The following ROCK2 variants were observed in gnomAD, a reference collection of about 807,000 sequenced individuals.
ROCK2 encodes Rho associated coiled-coil containing protein kinase 2.
In ROCK2, 61 loss-of-function variants were observed where a neutral mutation model predicts 195.1. That is an observed-to-expected ratio of 0.31 (90% CI 0.25 to 0.39). The LOEUF (loss-of-function observed/expected upper bound fraction) is 0.39. Among genes scored for constraint, ROCK2 ranks in the 10% least tolerant of loss-of-function variants. The pLI is 1.00. For missense variants in ROCK2, 1,109 were observed against 1,637.4 expected, an observed-to-expected ratio of 0.68 and a Z score of 5.57; for synonymous variants, 504 against 545.5, an observed-to-expected ratio of 0.92 and a Z score of 1.06.
At chr2:11,211,523 T>C (rs1355037475) in intron 18 of ROCK2, among the ~76,000 whole-genome samples, 158 bp downstream of exon 18, 2 of 152,194 alleles carry the variant, frequency 1.3e-5, no homozygotes, top group Admixed American at 6.5e-5. Context: ...GGAAAAATAA[T>C]AGAATATCTA....
intron 4 of ROCK2, among the ~76,000 whole-genome samples, chr2:11,248,735 A>AAAAAAAG (rs1665718986): frequency 7.2e-6 from 1 of 139,584 alleles, no homozygotes. Flanking sequence ...AAAAAAAAAA[A>AAAAAAAG]AAAGAAAGAA....
chr2:11,270,601 T>C (rs919181516), intron 3 of ROCK2, among the ~76,000 whole-genome samples: 4 of 152,194 alleles, frequency 2.6e-5, no homozygotes, highest in African/African-American at 7.2e-5. Flanking sequence ...TCCTGAAACT[T>C]AGAGATATTT....
intron 1 of ROCK2, among the ~76,000 whole-genome samples, chr2:11,303,576 C>T (rs1012015597): frequency 2.6e-5 from 4 of 152,132 alleles, no homozygotes; most frequent in African/African-American, 9.7e-5. Flanking sequence ...TGATTACTGC[C>T]ATTGGCATGG....
chr2:11,316,152 G>T (rs1450929887), intron 1 of ROCK2, among the ~76,000 whole-genome samples: 1 of 151,972 alleles, frequency 6.6e-6, no homozygotes. Flanking sequence ...GTTGGAAAAT[G>T]GGTAACTATT....
intron 5 of ROCK2, among the ~76,000 whole-genome samples, chr2:11,233,526 C>T (rs1172734530): frequency 1.3e-5 from 2 of 152,132 alleles, no homozygotes; most frequent in Non-Finnish European, 2.9e-5. Context: ...TAAGCATATA[C>T]ATGGGACATA....
intron 3 of ROCK2, among the ~76,000 whole-genome samples, chr2:11,285,365 T>C (rs1373700754): frequency 6.6e-6 from 1 of 151,918 alleles, no homozygotes; most frequent in Non-Finnish European, 1.5e-5. Context: ...CCAGCCTCCT[T>C]GGAATAAAAC....
intron 3 of ROCK2, among the ~76,000 whole-genome samples, chr2:11,282,841 A>G (rs1017459082): frequency 4.6e-5 from 7 of 152,190 alleles, no homozygotes. Flanking sequence ...AATATTTGAA[A>G]AACACCCACC....
At chr2:11,230,180 T>C (rs1026925854) in intron 5 of ROCK2, among the ~76,000 whole-genome samples, 41 of 152,284 alleles carry the variant, frequency 2.7e-4, no homozygotes, top group South Asian at 2.1e-4. Context: ...CACCCAATTA[T>C]TGATTTATAA....
intron 3 of ROCK2, among the ~76,000 whole-genome samples, chr2:11,270,105 TAATTTTGCTTTCTTTTTTATTCGC>T (rs59427705): frequency 0.81 from 122,003 of 151,314 alleles, 50,849 homozygotes; most frequent in East Asian, 0.99. Flanking sequence ...TCTAGATTGG[TAATTTTGCTTTCTTTTTTATTCGC>T]AATTTTGCTT....
intron 25 of ROCK2, 87 bp downstream of exon 25, chr2:11,198,404 C>T (rs1297406625): frequency 4.3e-6 from 4 of 930,146 alleles, no homozygotes; most frequent in Non-Finnish European, 6.8e-6. Context: ...ATGACTACTG[C>T]TACCAATTTG....
chr2:11,331,226 T>G (rs1433425894), intron 1 of ROCK2, among the ~76,000 whole-genome samples: 1 of 152,126 alleles, frequency 6.6e-6, no homozygotes, highest in African/African-American at 2.4e-5. Context: ...TTCTAGAGGA[T>G]TCACACCTAA....
At chr2:11,270,861 T>C (rs1442817892) in intron 3 of ROCK2, among the ~76,000 whole-genome samples, 1 of 152,234 alleles carries the variant, frequency 6.6e-6, no homozygotes, top group African/African-American at 2.4e-5. Flanking sequence ...CTCTTCAAAA[T>C]CTTTTTTCCT....
chr2:11,200,758 T>C (rs1663822346), intron 23 of ROCK2, among the ~76,000 whole-genome samples, 199 bp downstream of exon 23: 1 of 152,192 alleles, frequency 6.6e-6, no homozygotes, highest in African/African-American at 2.4e-5. Flanking sequence ...ACCTTTAACT[T>C]TGAATTCATT....
intron 32 of ROCK2, among the ~76,000 whole-genome samples, chr2:11,191,608 C>A (rs1478360137): frequency 1.3e-5 from 2 of 152,146 alleles, no homozygotes; most frequent in African/African-American, 2.4e-5. Context: ...GGTCTGTGTA[C>A]AATGTTAATT....
chr2:11,332,602 T>C (rs924149818), intron 1 of ROCK2, among the ~76,000 whole-genome samples: 1 of 152,210 alleles, frequency 6.6e-6, no homozygotes, highest in African/African-American at 2.4e-5. Context: ...CCAAGTGTTT[T>C]GTGATAATAT....
intron 3 of ROCK2, among the ~76,000 whole-genome samples, chr2:11,265,132 C>A (rs1339506809): frequency 6.6e-6 from 1 of 151,186 alleles, no homozygotes; most frequent in African/African-American, 2.5e-5. Flanking sequence ...TTACTAAATA[C>A]AAATGGATTA....
chr2:11,194,249 CACTT>C lies in ROCK2; in HGVS notation c.3608+3_3608+6del, dbSNP rs1558279323. The C allele has an allele frequency of 8.0e-7, 1 of 1,250,362 alleles. No homozygotes were observed. The highest frequency in any genetic ancestry group is 1.1e-6 in the Non-Finnish European group (1 of 904,560). 77.5% of individuals were successfully genotyped at this position (1,250,362 alleles called of 1,614,324 possible). On this transcript the variant is annotated splice_donor_5th_base_variant and intron_variant, in intron 29 of 32. Transcript: ENST00000315872. Reference sequence around the variant, plus strand: ...TAGTTTCTAAATATTCTAACAAAAACACTTACTCTATATCTAAAACCATGTAAGG... The same window carrying C: ...TAGTTTCTAAATATTCTAACAAAAACACTCTATATCTAAAACCATGTAAGG...
Position 11,211,860 on chromosome 2 carries a change from CAGCT to C in ROCK2, c.2044-24_2044-21del. On this transcript the variant is annotated intron_variant, in intron 17 of 32. Coordinates refer to ENST00000315872, the MANE Select transcript of ROCK2 (RefSeq NM_004850.5). Reference sequence around the variant, plus strand: ...TTTTTCCTATTAAATATTTAAAATGCAGCTATCAACAAAAAAGAGACTAGCTCAC... The same window carrying C: ...TTTTTCCTATTAAATATTTAAAATGCATCAACAAAAAAGAGACTAGCTCAC... The C allele has an allele frequency of 1.3e-6, 2 of 1,532,532 alleles. No homozygotes were observed. The highest frequency in any genetic ancestry group is 1.8e-6 in the Non-Finnish European group (2 of 1,139,968). 94.9% of individuals were successfully genotyped at this position (1,532,532 alleles called of 1,614,324 possible).
intron 3 of ROCK2, among the ~76,000 whole-genome samples, chr2:11,266,492 T>G (rs1193366936): frequency 6.6e-6 from 1 of 152,230 alleles, no homozygotes; most frequent in Non-Finnish European, 1.5e-5. Flanking sequence ...TAAAGTTACT[T>G]GTACAATGAG....
Sources: gnomAD v4.1 joint callset for allele counts (sites outside exome capture counted in the v4.1 genomes callset) on GRCh38, gnomAD v4.1.1 for gene constraint, MANE v1.5 for transcripts, NCBI Gene and HGNC (gene_info 2026-07-23, HGNC 2026-07-21) for gene names.